Variants in ZNF239 observed in about 807,000 individuals in gnomAD.
ZNF239 encodes zinc finger protein 239.
In ZNF239, 16 loss-of-function variants were observed where a neutral mutation model predicts 27.5. The ratio of observed to expected loss-of-function variants is 0.58; its 90% CI spans 0.39 to 0.88. ZNF239 has a LOEUF of 0.88. Among genes scored for constraint, ZNF239 ranks in the 40% least tolerant of loss-of-function variants. The probability of loss-of-function intolerance (pLI) is 0.00; values close to 1 mark genes in which losing one functional copy is unlikely to be tolerated. For synonymous variants in ZNF239, 199 were observed against 192.6 expected, an observed-to-expected ratio of 1.03 and a Z score of -0.27; for missense variants, 527 against 551.9, an observed-to-expected ratio of 0.95 and a Z score of 0.45.
chr10:43,560,527 A>AGCCCT (rs1837152139), intron 3 of ZNF239, among the ~76,000 whole-genome samples: 20 of 144,668 alleles, frequency 1.4e-4, no homozygotes, highest in Admixed American at 1.2e-3. Flanking sequence ...CCCTTAGCCC[A>AGCCCT]TCCGTGGGGC....
Position 43,558,112 on chromosome 10 carries a change from G to C in ZNF239, c.-33C>G. On this transcript the variant is annotated 5_prime_UTR_variant, in exon 4 of 4. An upstream open reading frame in the 5' UTR gains an earlier in-frame stop. Transcript: ENST00000374446. ...AAAACTAGCCAGGAGGAAAGCTCAT[G>C]TAACAGATCCTGAAGTGTTTTCTGC... 2 of 1,588,486 alleles carry C rather than the reference G, an allele frequency of 1.3e-6. No individual in the cohort carries two copies. Among genetic ancestry groups the C allele is most frequent in the African/African-American group, 2.7e-5 (2 of 74,176 alleles).
rs1836741334 is a variant in ZNF239 at position 43,556,419 on chromosome 10, T to C, written c.*284A>G. 1 of 344,112 alleles carries C rather than the reference T, an allele frequency of 2.9e-6. No homozygotes were observed. The highest frequency in any genetic ancestry group is 2.0e-5 in the African/African-American group (1 of 49,032). The allele number at this position is 344,112 out of a possible 1,614,324, so 21.3% of individuals were successfully genotyped here. ...AACATGCCCTGCTTGAGAATAAATA[T>C]AAAGTTCTTGCCGTTAAAATGCTGG... On this transcript the variant is annotated 3_prime_UTR_variant, in exon 4 of 4. Transcript: ENST00000374446.
Position 43,573,720 on chromosome 10 carries a change from C to T in ZNF239, c.-256-43G>A, listed in dbSNP as rs1257242504. On this transcript the variant is annotated intron_variant, in intron 1 of 3. Coordinates refer to ENST00000374446, the MANE Select transcript of ZNF239 (RefSeq NM_001099282.2). ...GGGAAAGAGAAAAAGCCATGAAAATCAAGTCCAGCAAGACTGCGGGGAAAA... is the reference window on the plus strand; with the variant it reads ...GGGAAAGAGAAAAAGCCATGAAAATTAAGTCCAGCAAGACTGCGGGGAAAA... 8.5e-6 allele frequency: 8 copies of T among 937,298 alleles called. No individual in the cohort carries two copies. In the East Asian group the frequency reaches 7.0e-4, roughly 82 times the overall value. The allele number at this position is 937,298 out of a possible 1,614,324, so 58.1% of individuals were successfully genotyped here.
chr10:43,573,102 T>C (rs538350233), intron 2 of ZNF239, among the ~76,000 whole-genome samples: 1 of 152,336 alleles, frequency 6.6e-6, no homozygotes, highest in South Asian at 2.1e-4. Context: ...ATAGCCTAGT[T>C]GAAAAGCATT....
chr10:43,557,267 G>A lies in ZNF239; in HGVS notation c.813C>T (p.Gly271=), dbSNP rs747556933. The A allele has an allele frequency of 1.5e-5, 24 of 1,613,370 alleles. No individual in the cohort carries two copies. In the African/African-American group the frequency reaches 3.1e-4, roughly 21 times the overall value. ...TGAGCAGACTTGAGCTCCTGGTGAA[G>A]CCCTTCCCACACTTGTCACACTTAT... ...KPYKCDKCGK[G]FTRSSSLLIH... is the part of the protein sequence containing the mutation. Residue 271 remains glycine (G), a synonymous_variant, in exon 4 of 4, where the codon GGC becomes GGT. Coordinates refer to ENST00000374446, the MANE Select transcript of ZNF239 (RefSeq NM_001099282.2).
chr10:43,562,481 A>G (rs552966964), intron 3 of ZNF239, among the ~76,000 whole-genome samples: 1 of 152,386 alleles, frequency 6.6e-6, no homozygotes, highest in African/African-American at 2.4e-5. Context: ...AGCTACAGAC[A>G]TGAAAGAAAC....
intron 2 of ZNF239, among the ~76,000 whole-genome samples, chr10:43,569,330 A>G (rs9422541): frequency 0.47 from 71,129 of 152,022 alleles, 18,115 homozygotes; most frequent in Middle Eastern, 0.59. Flanking sequence ...TCCCCCAAAC[A>G]TGAGTTTTCC....
chr10:43,563,897 G>T (rs1449936548), intron 3 of ZNF239, among the ~76,000 whole-genome samples: 1 of 151,992 alleles, frequency 6.6e-6, no homozygotes, highest in Non-Finnish European at 1.5e-5. Context: ...GGGCTCAAGC[G>T]ATTCTCCCAC....
At position 43,557,173 on chromosome 10, in the gene ZNF239, TCTGA is replaced by T. The variant is rs1424156558; in HGVS notation, c.903_906del (p.Ser301ArgfsTer25). The T allele has an allele frequency of 2.5e-6, 4 of 1,613,872 alleles. No homozygotes were observed. The highest frequency in any genetic ancestry group is 1.7e-5 in the Admixed American group (1 of 59,986). ...CGCTGGTGGATGTGCAGTTTGGAGC[TCTGA>T]CTAAAGCCCTTCCCACACTTGTCAC... On this transcript the variant is annotated frameshift_variant, in exon 4 of 4. Coordinates refer to ENST00000374446, the MANE Select transcript of ZNF239 (RefSeq NM_001099282.2). LOFTEE classifies it high-confidence loss of function.
chr10:43,556,784 C>A lies in ZNF239; in HGVS notation c.1296G>T (p.Glu432Asp). The A allele has an allele frequency of 3.1e-6, 5 of 1,612,896 alleles. No homozygotes were observed. The highest frequency in any genetic ancestry group is 4.2e-6 in the Non-Finnish European group (5 of 1,179,644). The change falls in exon 4 of 4, where the codon GAG (glutamate) becomes GAT (aspartate). Residue 432 changes from glutamate to aspartate, a missense_variant. Coordinates refer to ENST00000374446, the MANE Select transcript of ZNF239 (RefSeq NM_001099282.2). ...QRVHTGEKPYECSKCGKGFSQ... is the reference protein window; with the variant it reads ...QRVHTGEKPYDCSKCGKGFSQ... The stretch of plus-strand genomic sequence containing the variant: ...TGAAGCCCTTCCCACACTTGCTGCA[C>A]TCATAGGGCTTCTCTCCAGTATGTA...
intron 2 of ZNF239, chr10:43,568,393 T>C (rs1408327006): frequency 4.3e-5 from 42 of 985,348 alleles, no homozygotes; most frequent in Admixed American, 1.2e-4. Context: ...TCACATTTCT[T>C]AATCTCCACA....
intron 3 of ZNF239, among the ~76,000 whole-genome samples, chr10:43,563,630 T>C (rs1338962215): frequency 6.6e-6 from 1 of 152,228 alleles, no homozygotes; most frequent in Non-Finnish European, 1.5e-5. Flanking sequence ...TATGTTCCAT[T>C]TTATGTTAAT....
At chr10:43,573,609 T>C in intron 2 of ZNF239, 28 bp downstream of exon 2, 1 of 985,258 alleles carries the variant, frequency 1.0e-6, no homozygotes, top group Non-Finnish European at 1.2e-6. Context: ...GGAGATGGCA[T>C]TTTAGGAGAA....
chr10:43,564,254 G>C, intron 3 of ZNF239: 1 of 979,148 alleles, frequency 1.0e-6, no homozygotes, highest in Non-Finnish European at 1.2e-6. Flanking sequence ...CTCTCAGAGC[G>C]GTGTTCCATT....
intron 3 of ZNF239, among the ~76,000 whole-genome samples, chr10:43,565,844 A>AAAAAAAG (rs1837606843): frequency 7.5e-6 from 1 of 133,850 alleles, no homozygotes; most frequent in African/African-American, 2.7e-5. Flanking sequence ...AAAAAAAAAA[A>AAAAAAAG]AGAAAAAGAA....
At chr10:43,568,496 T>A (rs1837831597) in intron 2 of ZNF239, 1 of 974,736 alleles carries the variant, frequency 1.0e-6, no homozygotes, top group African/African-American at 1.8e-5. Flanking sequence ...AAAATATGAA[T>A]CTCTCTAATA....
chr10:43,570,967 G>A (rs768626657), intron 2 of ZNF239: 1 of 985,186 alleles, frequency 1.0e-6, no homozygotes. Flanking sequence ...TTGTGACAAG[G>A]GAAAGGAGAA....
intron 2 of ZNF239, among the ~76,000 whole-genome samples, chr10:43,572,727 G>T (rs372151728): frequency 4.6e-5 from 7 of 152,202 alleles, no homozygotes; most frequent in African/African-American, 1.7e-4. Flanking sequence ...CTAAGTGGGG[G>T]CTGACCATCT....
chr10:43,569,896 G>C (rs1244100812), intron 2 of ZNF239, among the ~76,000 whole-genome samples: 2 of 152,142 alleles, frequency 1.3e-5, no homozygotes, highest in Non-Finnish European at 2.9e-5. Context: ...GTTCCCTTCA[G>C]GGCTCTGTCT....
Sources: gnomAD v4.1 joint callset for allele counts (sites outside exome capture counted in the v4.1 genomes callset) on GRCh38, gnomAD v4.1.1 for gene constraint, MANE v1.5 for transcripts, NCBI Gene and HGNC (gene_info 2026-07-23, HGNC 2026-07-21) for gene names.